Variants in ARHGEF2 observed in about 807,000 individuals in gnomAD.
The protein encoded by ARHGEF2 is rho guanine nucleotide exchange factor 2.
ARHGEF2 carries 22 observed loss-of-function variants against 121.0 expected under a neutral mutation model. The observed-to-expected ratio is 0.18, with a 90% CI of 0.13 to 0.26. The LOEUF (loss-of-function observed/expected upper bound fraction) is 0.26, where lower values mean the gene tolerates loss of function less well. Among genes scored for constraint, ARHGEF2 ranks in the 10% least tolerant of loss-of-function variants. The pLI, the probability that ARHGEF2 is intolerant of heterozygous loss-of-function variation, is 1.00. For synonymous variants in ARHGEF2, 487 were observed against 530.0 expected (o/e 0.92, Z 1.11); for missense variants, 907 against 1,336.0 (o/e 0.68, Z 5.01).
intron 14 of ARHGEF2, among the ~76,000 whole-genome samples, chr1:155,954,031 A>C (rs1203711503): frequency 6.6e-6 from 1 of 151,622 alleles, no homozygotes; most frequent in African/African-American, 2.4e-5. Context: ...GTGCAATTAT[A>C]GTGTATTACA....
rs1322522619 is a variant in ARHGEF2 at position 155,947,104 on chromosome 1, C to G, written c.*838G>C. The G allele has an allele frequency of 1.5e-5, 5 of 338,176 alleles. No homozygotes were observed. The highest frequency in any genetic ancestry group is 1.2e-4 in the South Asian group (5 of 43,268). The allele number at this position is 338,176 out of a possible 1,614,324, so 20.9% of individuals were successfully genotyped here. A position where few individuals can be genotyped will look rare whatever the true frequency, so the allele number is the denominator to read the frequency against. ...GGCTGGGGAAGAGGTCAGTATAGGT[C>G]CCCCCGTTACTGCAGATGAAGGCAG... is the stretch of plus-strand genomic sequence containing the variant. On this transcript the variant is annotated 3_prime_UTR_variant, in exon 22 of 22. Coordinates refer to ENST00000361247, the MANE Select transcript of ARHGEF2 (RefSeq NM_001162383.2).
chr1:155,969,730 C>G (rs2102682915), intron 1 of ARHGEF2: 1 of 999,272 alleles, frequency 1.0e-6, no homozygotes. Flanking sequence ...CCAGCGCTTT[C>G]CAATCTATGG....
At chr1:155,954,273 A>C (rs1255554428) in intron 14 of ARHGEF2, among the ~76,000 whole-genome samples, 1 of 144,210 alleles carries the variant, frequency 6.9e-6, no homozygotes, top group Non-Finnish European at 1.5e-5. Flanking sequence ...GCATCCAGCC[A>C]ATCTACTTCT....
At chr1:155,979,144 A>G (rs1572224513), upstream of ARHGEF2, 1 of 985,458 alleles carries the variant, frequency 1.0e-6, no homozygotes, top group South Asian at 4.7e-5. Flanking sequence ...AGGTCGAAGA[A>G]CAGAGAGGAG....
At position 155,965,903 on chromosome 1, in the gene ARHGEF2, G is replaced by A; in HGVS notation, c.341-143C>T. On this transcript the variant is annotated intron_variant, in intron 4 of 21. Coordinates refer to ENST00000361247, the MANE Select transcript of ARHGEF2 (RefSeq NM_001162383.2). This position sits in a 1 kb window ranked among gnomAD's most constrained non-coding sequence, Gnocchi z 6.0. ...AGTCAAGAAAGATGGTAATGAGAAT[G>A]CCACCTTACATTTGTGCCATACTCT... The A allele has an allele frequency of 9.6e-7, 1 of 1,040,258 alleles. No homozygotes were observed. Among genetic ancestry groups the A allele is most frequent in the Non-Finnish European group, 1.3e-6 (1 of 755,530 alleles). 64.4% of individuals were successfully genotyped at this position (1,040,258 alleles called of 1,614,324 possible).
At chr1:155,968,037 C>G (rs1416813919) in intron 2 of ARHGEF2, among the ~76,000 whole-genome samples, 1 of 151,648 alleles carries the variant, frequency 6.6e-6, no homozygotes, top group East Asian at 1.9e-4. Context: ...CACCTGCTCT[C>G]AAAATAGTGC....
intron 1 of ARHGEF2, chr1:155,972,162 G>T: frequency 2.4e-6 from 1 of 416,470 alleles, no homozygotes; most frequent in South Asian, 1.7e-5. Context: ...CCAGAGAACA[G>T]GGTCTCTAGT....
chr1:155,978,097 C>A lies in ARHGEF2; in HGVS notation c.63+268G>T. 1 of 1,217,882 alleles carries A rather than the reference C, an allele frequency of 8.2e-7. No homozygotes were observed. The highest frequency in any genetic ancestry group is 1.0e-6 in the Non-Finnish European group (1 of 973,566). 75.4% of individuals were successfully genotyped at this position (1,217,882 alleles called of 1,614,324 possible). ...CAACTTTCTTTCAAGCGGCCTAAAG[C>A]ACTCGGTCCCGCCGGCTTGGAGGCG... On this transcript the variant is annotated intron_variant, in intron 1 of 21. Coordinates refer to ENST00000361247, the MANE Select transcript of ARHGEF2 (RefSeq NM_001162383.2). The surrounding 1 kb of genome is among the most constrained non-coding windows in gnomAD (Gnocchi z 4.1).
intron 2 of ARHGEF2, chr1:155,968,485 G>A (rs975479357): frequency 6.6e-6 from 1 of 152,192 alleles, no homozygotes; most frequent in African/African-American, 2.4e-5. Context: ...ACTGGGGAAG[G>A]AAAGAATTCC....
intron 13 of ARHGEF2, among the ~76,000 whole-genome samples, 165 bp downstream of exon 13, chr1:155,957,548 A>G (rs1344986302): frequency 6.6e-6 from 1 of 152,242 alleles, no homozygotes; most frequent in African/African-American, 2.4e-5. Context: ...ACAGGACATA[A>G]GAACATAGGT....
intron 14 of ARHGEF2, among the ~76,000 whole-genome samples, chr1:155,954,490 G>A (rs78073140): frequency 2.5e-5 from 3 of 120,538 alleles, no homozygotes; most frequent in African/African-American, 8.8e-5. Context: ...GGGTTTCACC[G>A]TGTTAGCCAG....
rs200446196 is a variant in ARHGEF2 at position 155,952,677 on chromosome 1, G to T, written c.1935C>A (p.Ser645=). ...TLPRGLFRSE[S]LESPRGERLL... is the part of the protein sequence containing the mutation. ...GCCGCTCGCCACGAGGGGACTCAAG[G>T]GACTCAGAGCGGAAAAGGCCCCTGG... The change falls in exon 15 of 22, where the codon TCC becomes TCA. Residue 645 remains serine (S), a synonymous_variant. Transcript: ENST00000361247. 1 of 1,614,144 alleles carries T rather than the reference G, an allele frequency of 6.2e-7. No individual in the cohort carries two copies. The highest frequency in any genetic ancestry group is 2.2e-5 in the East Asian group (1 of 44,880).
intron 14 of ARHGEF2, among the ~76,000 whole-genome samples, chr1:155,953,725 C>G (rs1342854912): frequency 7.7e-6 from 1 of 130,030 alleles, no homozygotes; most frequent in Non-Finnish European, 1.5e-5. Flanking sequence ...CCACCCTGGG[C>G]GACAGAGCAA....
rs1263268583 is a variant in ARHGEF2 at position 155,951,699 on chromosome 1, C to T, written c.2208+42G>A. The T allele has an allele frequency of 1.9e-6, 3 of 1,613,504 alleles. No homozygotes were observed. On this transcript the variant is annotated intron_variant, in intron 18 of 21. Coordinates refer to ENST00000361247, the MANE Select transcript of ARHGEF2 (RefSeq NM_001162383.2). This position sits in a 1 kb window ranked among gnomAD's most constrained non-coding sequence, Gnocchi z 5.1. ...GGGCTCTAACTACTCAGACTAAGAA[C>T]ATCCTCCCTTCAGTCTCCTATACCA... is the stretch of plus-strand genomic sequence containing the variant.
At position 155,954,942 on chromosome 1, in the gene ARHGEF2, C is replaced by A. The variant is rs1676366482; in HGVS notation, c.1743G>T (p.Leu581=). The A allele has an allele frequency of 6.2e-7, 1 of 1,611,738 alleles. No individual in the cohort carries two copies. The highest frequency in any genetic ancestry group is 1.7e-5 in the Admixed American group (1 of 59,668). ...GGTAAGCCTCATCCTCTGTCTCAAT[C>A]AGGGGGAAGTCCTCCCTGGATGGGC... The part of the protein sequence containing the change: ...RTCPSREDFP[L]IETEDEAYLR... Residue 581 remains leucine (L), a synonymous_variant, in exon 14 of 22, where the codon CTG becomes CTT. Coordinates refer to ENST00000361247, the MANE Select transcript of ARHGEF2 (RefSeq NM_001162383.2).
chr1:155,978,038 C>A lies in ARHGEF2; in HGVS notation c.63+327G>T, dbSNP rs1384340315. On this transcript the variant is annotated intron_variant, in intron 1 of 21. Coordinates refer to ENST00000361247, the MANE Select transcript of ARHGEF2 (RefSeq NM_001162383.2). This position sits in a 1 kb window ranked among gnomAD's most constrained non-coding sequence, Gnocchi z 4.1. The stretch of plus-strand genomic sequence containing the variant: ...CCACCGCCCCCACCCGCGAGACACA[C>A]ACCTCCCTCTTCCCGCTCCGTCCCT... 22 of 1,073,482 alleles carry A rather than the reference C, an allele frequency of 2.0e-5. No individual in the cohort carries two copies. The highest frequency in any genetic ancestry group is 2.4e-5 in the Non-Finnish European group (21 of 882,298). 66.5% of individuals were successfully genotyped at this position (1,073,482 alleles called of 1,614,324 possible). A position where few individuals can be genotyped will look rare whatever the true frequency, so the allele number is the denominator to read the frequency against.
chr1:155,952,338 C>T (rs1048806217), intron 15 of ARHGEF2, 103 bp from the exon 16 acceptor site: 52 of 1,504,168 alleles, frequency 3.5e-5, no homozygotes, highest in Middle Eastern at 2.4e-4. Context: ...GGGGGAATGC[C>T]CCCTGCACTG....
At chr1:155,973,754 AAAAAG>A (rs1168084603) in intron 1 of ARHGEF2, among the ~76,000 whole-genome samples, 2 of 152,146 alleles carry the variant, frequency 1.3e-5, no homozygotes, top group South Asian at 2.1e-4. Flanking sequence ...TCAAAAAAAA[AAAAAG>A]AAAAGAAAAA....
At position 155,954,978 on chromosome 1, in the gene ARHGEF2, G is replaced by A. The variant is rs1010196542; in HGVS notation, c.1716-9C>T. The A allele has an allele frequency of 2.5e-5, 40 of 1,610,242 alleles. 1 individual carries two copies. The Admixed American group carries it at 5.4e-4, about 22-fold the overall frequency. On this transcript the variant is annotated splice_polypyrimidine_tract_variant and intron_variant, in intron 13 of 21. Coordinates refer to ENST00000361247, the MANE Select transcript of ARHGEF2 (RefSeq NM_001162383.2). Reference sequence around the variant, plus strand: ...CCTCCCTGGATGGGCATCTGGAGGGGTAACAGGTCGCATGCCATTGAGAGA... The same window carrying A: ...CCTCCCTGGATGGGCATCTGGAGGGATAACAGGTCGCATGCCATTGAGAGA...
Sources: allele counts gnomAD v4.1 joint callset (sites outside exome capture counted in the v4.1 genomes callset), GRCh38; gene constraint gnomAD v4.1.1; non-coding constraint Gnocchi (gnomAD v3.1); transcripts MANE v1.5; gene names NCBI Gene and HGNC (gene_info 2026-07-23, HGNC 2026-07-21).